IMMP2L: variants seen among roughly 807,000 people sequenced by gnomAD.
The protein encoded by IMMP2L is mitochondrial inner membrane protease subunit 2.
Under a neutral mutation model 19.3 loss-of-function variants are expected in IMMP2L, and 18 were observed. That is an observed-to-expected ratio of 0.93 (90% CI 0.64 to 1.38). The LOEUF (loss-of-function observed/expected upper bound fraction) is 1.38. Among genes scored for constraint, IMMP2L ranks in the 40% most tolerant of loss-of-function variants. The pLI is 0.00. For synonymous variants in IMMP2L, 76 were observed against 73.0 expected, an observed-to-expected ratio of 1.04 and a Z score of -0.21; for missense variants, 233 against 218.2, an observed-to-expected ratio of 1.07 and a Z score of -0.43.
intron 5 of IMMP2L, among the ~76,000 whole-genome samples, chr7:110,817,785 A>T (rs1252990898): frequency 6.6e-6 from 1 of 152,150 alleles, no homozygotes; most frequent in African/African-American, 2.4e-5. Context: ...ATGGAACAGA[A>T]CAGAGACCTC....
chr7:111,196,361 TAA>T (rs1809503512), intron 3 of IMMP2L, among the ~76,000 whole-genome samples: 1 of 151,904 alleles, frequency 6.6e-6, no homozygotes, highest in Admixed American at 6.6e-5. Flanking sequence ...AATCAAACGA[TAA>T]AAATCAAACT....
At chr7:111,327,384 T>C (rs1388248301) in intron 3 of IMMP2L, among the ~76,000 whole-genome samples, 4 of 151,734 alleles carry the variant, frequency 2.6e-5, no homozygotes, top group African/African-American at 4.8e-5. Context: ...TAGATCATTA[T>C]ATATAAAAAG....
chr7:110,929,396 T>A (rs375442427), intron 4 of IMMP2L, among the ~76,000 whole-genome samples: 10 of 152,172 alleles, frequency 6.6e-5, no homozygotes, highest in African/African-American at 2.4e-4. Flanking sequence ...ATCTTTGGCA[T>A]CAATAGAAAC....
At chr7:111,234,239 T>C (rs1292019381) in intron 3 of IMMP2L, among the ~76,000 whole-genome samples, 2 of 152,142 alleles carry the variant, frequency 1.3e-5, no homozygotes, top group African/African-American at 2.4e-5. Context: ...TACAAGTCTT[T>C]CTGTTATAGA....
intron 3 of IMMP2L, among the ~76,000 whole-genome samples, chr7:111,418,717 C>T (rs1015516039): frequency 6.6e-6 from 1 of 151,274 alleles, no homozygotes; most frequent in African/African-American, 2.4e-5. Flanking sequence ...CCTGACAATA[C>T]CAATTAATTT....
Position 111,135,142 on chromosome 7 carries a change from G to A in IMMP2L, c.240-171577C>T, listed in dbSNP as rs537716868. On this transcript the variant is annotated intron_variant, in intron 3 of 5. Transcript: ENST00000405709. ...CTCATTCTGGAAAAAAATGAATCCA[G>A]TTTTAGCTTTACTGAAACCAGAAGA... is the stretch of plus-strand genomic sequence containing the variant. Among the ~76,000 whole-genome samples the A allele has an allele frequency of 1.7e-4, 26 of 152,094 alleles. No homozygotes were observed. The East Asian group carries it at 3.1e-3, about 18-fold the overall frequency.
intron 2 of IMMP2L, among the ~76,000 whole-genome samples, chr7:111,514,292 T>C (rs1845695191): frequency 6.6e-6 from 1 of 152,010 alleles, no homozygotes; most frequent in Non-Finnish European, 1.5e-5. Flanking sequence ...TGTATACTGT[T>C]CTCACTCACA....
At chr7:110,867,431 A>G (rs1323486543) in intron 5 of IMMP2L, among the ~76,000 whole-genome samples, 2 of 152,068 alleles carry the variant, frequency 1.3e-5, no homozygotes, top group Non-Finnish European at 2.9e-5. Context: ...AGTGCATAGC[A>G]GTGAGAAAAT....
chr7:111,293,087 C>G (rs1584486245), intron 3 of IMMP2L, among the ~76,000 whole-genome samples: 1 of 152,034 alleles, frequency 6.6e-6, no homozygotes, highest in Non-Finnish European at 1.5e-5. Flanking sequence ...TGGTGTACAC[C>G]TAAGAAGTGC....
At chr7:111,259,002 A>T (rs1231764675) in intron 3 of IMMP2L, among the ~76,000 whole-genome samples, 1 of 152,144 alleles carries the variant, frequency 6.6e-6, no homozygotes, top group East Asian at 1.9e-4. Context: ...GCTATAAGGT[A>T]TAGCCTATTG....
In IMMP2L at chr7:111,360,175, C is replaced by T. The variant is rs536354859; in HGVS notation, c.239+127063G>A. Among the ~76,000 whole-genome samples the T allele has an allele frequency of 5.9e-5, 9 of 152,136 alleles. No homozygotes were observed. In the East Asian group the frequency reaches 1.5e-3, roughly 26 times the overall value. On this transcript the variant is annotated intron_variant, in intron 3 of 5. Transcript: ENST00000405709. ...TACAAATCCAAAAGTAAGGGAAAGT[C>T]CTCCATAATACATGGAGCTAAAATC... is the stretch of plus-strand genomic sequence containing the variant.
chr7:111,151,881 AG>A (rs1469912661), intron 3 of IMMP2L, among the ~76,000 whole-genome samples: 3 of 152,160 alleles, frequency 2.0e-5, no homozygotes, highest in African/African-American at 7.2e-5. Context: ...GGTTGCAGTG[AG>A]CCAAGATCGC....
chr7:111,390,536 C>T (rs1256937111), intron 3 of IMMP2L: 1 of 152,080 alleles, frequency 6.6e-6, no homozygotes, highest in African/African-American at 2.4e-5. Flanking sequence ...AAATTTTTTT[C>T]AGGTAAATTC....
intron 3 of IMMP2L, among the ~76,000 whole-genome samples, chr7:111,325,209 C>T (rs1248359627): frequency 6.6e-6 from 1 of 151,508 alleles, no homozygotes; most frequent in Non-Finnish European, 1.5e-5. Flanking sequence ...TGAGCTAATT[C>T]TTAGAGCTTT....
intron 3 of IMMP2L, among the ~76,000 whole-genome samples, chr7:111,415,223 G>A (rs1238412338): frequency 1.3e-5 from 2 of 151,702 alleles, no homozygotes; most frequent in Non-Finnish European, 2.9e-5. Flanking sequence ...TAGAGACCGA[G>A]AGCAGTCTCC....
chr7:110,998,486 C>G (rs1230050662), intron 3 of IMMP2L, among the ~76,000 whole-genome samples: 2 of 152,164 alleles, frequency 1.3e-5, no homozygotes, highest in Non-Finnish European at 2.9e-5. Flanking sequence ...ATTCTAGCAA[C>G]TATCAATTAA....
rs377703367 is a variant in IMMP2L, at chr7:110,905,452, CA to C, written c.306-18758del. On this transcript the variant is annotated intron_variant, in intron 4 of 5. Coordinates refer to ENST00000405709, the MANE Select transcript of IMMP2L (RefSeq NM_032549.4). ...ATTCTTTCCCTTCAATTTTTTGTTA[CA>C]TTTTTTTTTTCCTGAGTAGTTGTTT... Among the ~76,000 whole-genome samples the C allele has an allele frequency of 2.5e-4, 38 of 151,726 alleles. 1 individual carries two copies. Among genetic ancestry groups the C allele is most frequent in the African/African-American group, 7.5e-4 (31 of 41,268 alleles).
intron 3 of IMMP2L, among the ~76,000 whole-genome samples, chr7:111,363,797 C>T (rs1219111636): frequency 6.6e-6 from 1 of 152,078 alleles, no homozygotes; most frequent in East Asian, 1.9e-4. Flanking sequence ...ACCTCTCTAG[C>T]CTCATCTCCC....
chr7:111,297,935 C>T (rs1318107996), intron 3 of IMMP2L, among the ~76,000 whole-genome samples: 4 of 152,030 alleles, frequency 2.6e-5, no homozygotes, highest in African/African-American at 9.7e-5. Flanking sequence ...TACCAGGGTA[C>T]TCCTTCACAT....
Sources: gnomAD v4.1 joint callset for allele counts (sites outside exome capture counted in the v4.1 genomes callset) on GRCh38, gnomAD v4.1.1 for gene constraint, MANE v1.5 for transcripts, NCBI Gene and HGNC (gene_info 2026-07-23, HGNC 2026-07-21) for gene names.